Variants in CLINT1 observed in about 807,000 individuals in gnomAD.
The protein encoded by CLINT1 is clathrin interactor 1, also known as clathrin interacting protein localized in the trans-Golgi region.
CLINT1 carries 15 observed loss-of-function variants against 70.4 expected under a neutral mutation model. That is an observed-to-expected ratio of 0.21 (90% confidence interval 0.14 to 0.33). CLINT1 has a LOEUF of 0.33. CLINT1 is among the 10% of genes least tolerant of loss of function. The pLI, the probability that CLINT1 is intolerant of heterozygous loss-of-function variation, is 1.00. For missense variants in CLINT1, 615 were observed against 778.1 expected (o/e 0.79, Z 2.49); for synonymous variants, 227 against 254.7 (o/e 0.89, Z 1.04).
chr5:157,858,874 T>TCCCCCCCCCCCCCCCCCCCCCCCC, intron 1 of CLINT1, 56 bp downstream of exon 1: 16 of 957,420 alleles, frequency 1.7e-5, no homozygotes, highest in East Asian at 3.0e-5. Context: ...CAGCTCCTTC[T>TCCCCCCCCCCCCCCCCCCCCCCCC]CCCCCTCCCC....
intron 8 of CLINT1, among the ~76,000 whole-genome samples, chr5:157,796,938 C>T (rs1037928650): frequency 6.6e-6 from 1 of 151,048 alleles, no homozygotes; most frequent in African/African-American, 2.4e-5. Context: ...TAATGCCAAC[C>T]AAAGTGAAGG....
intron 8 of CLINT1, among the ~76,000 whole-genome samples, chr5:157,800,245 A>AC (rs1245125753): frequency 1.3e-5 from 2 of 152,164 alleles, no homozygotes; most frequent in Admixed American, 6.5e-5. Context: ...ACACACACAC[A>AC]AAAATCTGAA....
intron 8 of CLINT1, among the ~76,000 whole-genome samples, chr5:157,798,436 T>C (rs558817364): frequency 3.9e-5 from 6 of 152,254 alleles, no homozygotes; most frequent in Admixed American, 2.6e-4. Context: ...CAAAGCAATA[T>C]TGTGAACAAG....
chr5:157,806,152 A>T, intron 6 of CLINT1, 40 bp from the exon 7 acceptor site: 1 of 1,596,460 alleles, frequency 6.3e-7, no homozygotes, highest in Admixed American at 1.7e-5. Context: ...ATAAGACGGG[A>T]TTATTTTAAA....
intron 1 of CLINT1, among the ~76,000 whole-genome samples, chr5:157,846,681 G>A (rs551671240): frequency 6.6e-6 from 1 of 152,320 alleles, no homozygotes; most frequent in South Asian, 2.1e-4. Flanking sequence ...TGCCATCTAG[G>A]ACTTTCATAG....
chr5:157,831,368 T>A (rs1007985404), intron 1 of CLINT1, among the ~76,000 whole-genome samples: 1 of 152,012 alleles, frequency 6.6e-6, no homozygotes, highest in Admixed American at 6.6e-5. Context: ...TTTTTTGTAT[T>A]TTCAGTAAAG....
chr5:157,807,398 G>A (rs1004815915), intron 6 of CLINT1, among the ~76,000 whole-genome samples: 32 of 152,030 alleles, frequency 2.1e-4, no homozygotes, highest in Middle Eastern at 3.4e-3. Flanking sequence ...TTATTTCAGC[G>A]CAAAATAATT....
chr5:157,830,419 CTTAAATCTCATTTT>C (rs1356951643), intron 1 of CLINT1, among the ~76,000 whole-genome samples: 8 of 151,800 alleles, frequency 5.3e-5, no homozygotes, highest in Admixed American at 4.6e-4. Flanking sequence ...CTTATTTTGC[CTTAAATCTCATTTT>C]TTAAAACTCG....
intron 6 of CLINT1, 115 bp from the exon 7 acceptor site, chr5:157,806,227 G>T: frequency 9.9e-7 from 1 of 1,007,674 alleles, no homozygotes; most frequent in Non-Finnish European, 1.4e-6. Flanking sequence ...TTCATACTTT[G>T]ACTACTTGAC....
chr5:157,829,107 ACAACAACAG>A (rs1397818804), intron 1 of CLINT1, among the ~76,000 whole-genome samples: 5 of 152,068 alleles, frequency 3.3e-5, no homozygotes, highest in Non-Finnish European at 7.4e-5. Flanking sequence ...GCCTCAAACA[ACAACAACAG>A]CAACAACAAC....
intron 1 of CLINT1, among the ~76,000 whole-genome samples, chr5:157,822,653 C>T (rs924869396): frequency 2.6e-5 from 4 of 152,176 alleles, no homozygotes; most frequent in Non-Finnish European, 4.4e-5. Context: ...TCTCCATTTT[C>T]TGCTTATTTG....
chr5:157,803,667 C>A lies in CLINT1; in HGVS notation c.995G>T (p.Gly332Val). ...AAGCTTACCTGTTGACTGGCTGGTG[C>A]CATCAAACAGATCAACAAGGTCACC... is the stretch of plus-strand genomic sequence containing the variant. ...SSGDLVDLFD[G>V]TSQSTGGSAD... The change falls in exon 8 of 12, where the codon GGC (glycine) becomes GTC (valine). Residue 332 changes from glycine (G) to valine (V), a missense_variant. This residue lies in a region of CLINT1 where 374 missense variants were observed against 409.6 expected (regional missense o/e 0.91). Transcript: ENST00000411809. 6.5e-7 allele frequency: 1 copy of A among 1,529,948 alleles called. No homozygotes were observed. The highest frequency in any genetic ancestry group is 8.9e-7 in the Non-Finnish European group (1 of 1,127,106). 94.8% of individuals were successfully genotyped at this position (1,529,948 alleles called of 1,614,324 possible). A position where few individuals can be genotyped will look rare whatever the true frequency, so the allele number is the denominator to read the frequency against.
chr5:157,849,476 A>G (rs1370732727), intron 1 of CLINT1, among the ~76,000 whole-genome samples: 1 of 152,264 alleles, frequency 6.6e-6, no homozygotes, highest in Non-Finnish European at 1.5e-5. Context: ...AAAAATTTGT[A>G]TGACTTGCTT....
intron 1 of CLINT1, among the ~76,000 whole-genome samples, chr5:157,858,609 C>T (rs1753830070): frequency 6.6e-6 from 1 of 152,248 alleles, no homozygotes; most frequent in Admixed American, 6.5e-5. Flanking sequence ...CCGGCCAGGG[C>T]AGTGACCCAG....
chr5:157,817,679 T>C, intron 1 of CLINT1, 132 bp from the exon 2 acceptor site: 1 of 587,040 alleles, frequency 1.7e-6, no homozygotes, highest in Admixed American at 2.8e-5. Context: ...AGAAAACATC[T>C]TTTGTGCACA....
rs144128574 is a variant in CLINT1 at position 157,815,345 on chromosome 5, T to C, written c.244-1052A>G. Among the ~76,000 whole-genome samples the C allele has an allele frequency of 3.9e-4, 59 of 152,254 alleles. No homozygotes were observed. The East Asian group carries it at 8.9e-3, about 23-fold the overall frequency. ...ACCCCCACCCCCAAACTAAATTTTG[T>C]TAAAATGTAAATTTGGAATGACTGC... On this transcript the variant is annotated intron_variant, in intron 3 of 11. Coordinates refer to ENST00000411809, the MANE Select transcript of CLINT1 (RefSeq NM_014666.4).
At position 157,803,652 on chromosome 5, in the gene CLINT1, G is replaced by A. The variant is rs1236051563; in HGVS notation, c.1010C>T (p.Thr337Ile). 6.6e-7 allele frequency: 1 copy of A among 1,514,164 alleles called. No homozygotes were observed. The highest frequency in any genetic ancestry group is 8.9e-7 in the Non-Finnish European group (1 of 1,117,822). The allele number at this position is 1,514,164 out of a possible 1,614,324, so 93.8% of individuals were successfully genotyped here. ...VDLFDGTSQS[T>I]GGSADLFGGF... ...AAAAGGCCAATGTAGAAGCTTACCT[G>A]TTGACTGGCTGGTGCCATCAAACAG... Residue 337 changes from threonine to isoleucine, a missense_variant and splice_region_variant, in exon 8 of 12, where the codon ACA becomes ATA. Transcript: ENST00000411809.
intron 1 of CLINT1, among the ~76,000 whole-genome samples, chr5:157,822,766 C>T (rs1581512215): frequency 6.6e-6 from 1 of 152,186 alleles, no homozygotes; most frequent in Non-Finnish European, 1.5e-5. Context: ...CTTTTACTTA[C>T]AGGCAGTCAA....
intron 9 of CLINT1, among the ~76,000 whole-genome samples, chr5:157,794,646 A>C (rs1762013675): frequency 6.6e-6 from 1 of 152,200 alleles, no homozygotes; most frequent in African/African-American, 2.4e-5. Context: ...CCTTTCAAAA[A>C]AGCTAAACAA....
Sources: allele counts gnomAD v4.1 joint callset (sites outside exome capture counted in the v4.1 genomes callset), GRCh38; gene constraint gnomAD v4.1.1; regional missense constraint gnomAD v4.1.1; transcripts MANE v1.5; gene names NCBI Gene and HGNC (gene_info 2026-07-23, HGNC 2026-07-21).